Variants in ADGRF1 observed in about 807,000 individuals in gnomAD.
The protein encoded by ADGRF1 is G protein-coupled receptor 110.
A neutral mutation model predicts 87.2 loss-of-function variants in ADGRF1; 85 were observed. The ratio of observed to expected loss-of-function variants is 0.97; its 90% CI spans 0.82 to 1.17. The LOEUF is 1.17. Ranked by LOEUF, ADGRF1 falls within the 50% of genes most tolerant of loss-of-function variation. ADGRF1 has a pLI of 0.00. For synonymous variants in ADGRF1, 430 were observed against 408.8 expected (o/e 1.05, Z -0.63); for missense variants, 1,169 against 1,077.2 (o/e 1.09, Z -1.19).
chr6:47,025,731 G>A lies in ADGRF1; in HGVS notation c.277+123C>T. On this transcript the variant is annotated intron_variant, in intron 4 of 14. Transcript: ENST00000371253. ...ACATGTAGCATGAAGAAGATATAAA[G>A]CATTTATTCTTTTAAATCACAGAGA... 3 of 921,228 alleles carry A rather than the reference G, an allele frequency of 3.3e-6. 1 individual carries two copies. The South Asian group carries it at 5.8e-5, about 18-fold the overall frequency. The allele number at this position is 921,228 out of a possible 1,614,324, so 57.1% of individuals were successfully genotyped here.
At chr6:47,033,823 A>G (rs1780507674) in intron 1 of ADGRF1, among the ~76,000 whole-genome samples, 1 of 152,242 alleles carries the variant, frequency 6.6e-6, no homozygotes, top group African/African-American at 2.4e-5. Context: ...TCTGTAACTG[A>G]ACAGAGACAG....
chr6:47,016,507 A>T, intron 8 of ADGRF1, 110 bp downstream of exon 8: 1 of 1,240,730 alleles, frequency 8.1e-7, no homozygotes, highest in East Asian at 2.5e-5. Flanking sequence ...AAAGGCAGTT[A>T]GAGAACAATT....
At chr6:47,021,582 A>G (rs1306572290) in intron 6 of ADGRF1, among the ~76,000 whole-genome samples, 2 of 152,076 alleles carry the variant, frequency 1.3e-5, no homozygotes, top group Admixed American at 1.3e-4. Context: ...GCTGGTCTCG[A>G]ACTCCTGACC....
intron 7 of ADGRF1, chr6:47,019,403 G>A (rs1779972828): frequency 2.0e-6 from 2 of 984,256 alleles, no homozygotes; most frequent in South Asian, 4.7e-5. Context: ...CTATGGGTTG[G>A]CCAGATGCAG....
intron 11 of ADGRF1, among the ~76,000 whole-genome samples, chr6:47,008,145 A>G (rs760803415): frequency 6.6e-6 from 1 of 152,198 alleles, no homozygotes; most frequent in South Asian, 2.1e-4. Context: ...TTGTAAAGTG[A>G]TGTATTTGAG....
chr6:47,006,177 A>C (rs185647388), intron 12 of ADGRF1, among the ~76,000 whole-genome samples: 1 of 152,212 alleles, frequency 6.6e-6, no homozygotes, highest in African/African-American at 2.4e-5. Flanking sequence ...TCCTAACCAC[A>C]TGAATGGTAA....
At chr6:47,030,144 C>T (rs1780367148) in intron 1 of ADGRF1, among the ~76,000 whole-genome samples, 1 of 152,126 alleles carries the variant, frequency 6.6e-6, no homozygotes, top group Non-Finnish European at 1.5e-5. Context: ...CCAGTGCCAC[C>T]CCACACTGCC....
chr6:47,013,193 C>T (rs1363901285), intron 9 of ADGRF1: 2 of 985,384 alleles, frequency 2.0e-6, no homozygotes, highest in Non-Finnish European at 2.4e-6. Context: ...ACTCAGGCGC[C>T]CAAGTGCCCG....
intron 4 of ADGRF1, among the ~76,000 whole-genome samples, chr6:47,024,566 G>C (rs1188803850): frequency 6.6e-6 from 1 of 152,160 alleles, no homozygotes; most frequent in Non-Finnish European, 1.5e-5. Flanking sequence ...TGCCCGCCTT[G>C]GCCTCCCAAA....
intron 3 of ADGRF1, among the ~76,000 whole-genome samples, chr6:47,026,522 T>C (rs2113900308): frequency 6.6e-6 from 1 of 152,226 alleles, no homozygotes; most frequent in Non-Finnish European, 1.5e-5. Flanking sequence ...CAAAACAAAC[T>C]AAATCTTCCC....
chr6:47,008,816 A>ATGCAGTTT (rs1306379226), intron 11 of ADGRF1, 129 bp downstream of exon 11: 2 of 744,658 alleles, frequency 2.7e-6, no homozygotes, highest in African/African-American at 3.5e-5. Flanking sequence ...TATTGTTTCC[A>ATGCAGTTT]TGCAGTTTTT....
intron 13 of ADGRF1, among the ~76,000 whole-genome samples, chr6:47,003,589 C>T (rs1779424611): frequency 6.6e-6 from 1 of 152,146 alleles, no homozygotes; most frequent in South Asian, 2.1e-4. Context: ...CTATTGATTC[C>T]AGGTCTTCAG....
chr6:47,005,928 G>A (rs1376698629), intron 12 of ADGRF1, 52 bp from the exon 13 acceptor site: 1 of 1,189,150 alleles, frequency 8.4e-7, no homozygotes, highest in Non-Finnish European at 1.2e-6. Context: ...ATCATACACA[G>A]ACAAATCAAG....
chr6:47,023,950 A>C, intron 5 of ADGRF1, 94 bp downstream of exon 5: 1 of 1,157,668 alleles, frequency 8.6e-7, no homozygotes, highest in Non-Finnish European at 1.2e-6. Flanking sequence ...CCCTGTAAAC[A>C]AACATTGACT....
In ADGRF1 at chr6:47,029,092, G is replaced by GCATA; in HGVS notation, c.-35_-32dup. ...CTGGACTGAACAGCAGCAGTCGGGT[G>GCATA]CATAGTCTGTGACTAAACAAGCAGG... is the stretch of plus-strand genomic sequence containing the variant. On this transcript the variant is annotated 5_prime_UTR_variant, in exon 2 of 15. It adds an upstream start codon to the 5' untranslated region. Coordinates refer to ENST00000371253, the MANE Select transcript of ADGRF1 (RefSeq NM_153840.4). 6.3e-7 allele frequency: 1 copy of GCATA among 1,585,824 alleles called. No individual in the cohort carries two copies. Among genetic ancestry groups the GCATA allele is most frequent in the South Asian group, 1.1e-5 (1 of 90,508 alleles).
At position 47,029,023 on chromosome 6, in the gene ADGRF1, G is replaced by A; in HGVS notation, c.39C>T (p.Thr13=). The part of the protein sequence containing the change: ...VGVLWLISFF[T]FTDGHGGFLG... Reference sequence around the variant, plus strand: ...GGAAGCCACCGTGGCCGTCAGTGAAGGTGAAGAAAGAAATGAGCCACAGCA... The same window carrying A: ...GGAAGCCACCGTGGCCGTCAGTGAAAGTGAAGAAAGAAATGAGCCACAGCA... Residue 13 remains threonine (T), a synonymous_variant, in exon 2 of 15, where the codon ACC becomes ACT. Transcript: ENST00000371253. 6 of 1,614,140 alleles carry A rather than the reference G, an allele frequency of 3.7e-6. No homozygotes were observed. The highest frequency in any genetic ancestry group is 5.1e-6 in the Non-Finnish European group (6 of 1,180,006).
At chr6:47,023,833 A>C (rs1183476008) in intron 5 of ADGRF1, among the ~76,000 whole-genome samples, 1 of 152,216 alleles carries the variant, frequency 6.6e-6, no homozygotes, top group East Asian at 1.9e-4. Flanking sequence ...CTAAAGGTTG[A>C]AGTGACCTTC....
intron 1 of ADGRF1, among the ~76,000 whole-genome samples, chr6:47,040,202 C>T (rs996388010): frequency 6.6e-5 from 10 of 152,016 alleles, no homozygotes; most frequent in African/African-American, 1.2e-4. Flanking sequence ...TGGTGGCTCA[C>T]GCCTGTAATC....
chr6:47,013,685 C>T, intron 9 of ADGRF1: 1 of 982,028 alleles, frequency 1.0e-6, no homozygotes, highest in Non-Finnish European at 1.2e-6. Context: ...GCTCTGTGTC[C>T]CCACCCAAAT....
Sources: allele counts gnomAD v4.1 joint callset (sites outside exome capture counted in the v4.1 genomes callset), GRCh38; gene constraint gnomAD v4.1.1; transcripts MANE v1.5; gene names NCBI Gene and HGNC (gene_info 2026-07-23, HGNC 2026-07-21).